The following MGAT4C variants were observed in gnomAD, a reference collection of about 807,000 sequenced individuals.
MGAT4C encodes the protein alpha-1,3-mannosyl-glycoprotein 4-beta-N-acetylglucosaminyltransferase C.
MGAT4C carries 19 observed loss-of-function variants against 40.1 expected under a neutral mutation model. The ratio of observed to expected loss-of-function variants is 0.47; its 90% confidence interval spans 0.33 to 0.70. MGAT4C has a LOEUF of 0.70. Among genes scored for constraint, MGAT4C ranks in the 30% least tolerant of loss-of-function variants. MGAT4C has a pLI of 0.02. For missense variants in MGAT4C, 491 were observed against 563.2 expected, an observed-to-expected ratio of 0.87 and a Z score of 1.30; for synonymous variants, 181 against 187.1, an observed-to-expected ratio of 0.97 and a Z score of 0.27.
At chr12:86,020,667 T>C (rs1592705638) in intron 2 of MGAT4C, among the ~76,000 whole-genome samples, 1 of 152,200 alleles carries the variant, frequency 6.6e-6, no homozygotes, top group East Asian at 1.9e-4. Context: ...ATCCAGGACA[T>C]AGGCATGGGC....
rs574650663 is a variant in MGAT4C at position 86,368,049 on chromosome 12, G to A, written c.-119-33922C>T. Among the ~76,000 whole-genome samples, 15 of 152,064 alleles carry A rather than the reference G, an allele frequency of 9.9e-5. No individual in the cohort carries two copies. In the South Asian group the frequency reaches 2.3e-3, roughly 23 times the overall value. On this transcript the variant is annotated intron_variant, in intron 3 of 7. Coordinates refer to the MGAT4C transcript ENST00000548651. ...ACTCAAATTATAACATTAAAACTAC[G>A]GAAATTTGCTAAAATAAAAATAAAG...
At chr12:86,261,568 G>A (rs1372008139) in intron 4 of MGAT4C, among the ~76,000 whole-genome samples, 1 of 152,028 alleles carries the variant, frequency 6.6e-6, no homozygotes, top group East Asian at 1.9e-4. Flanking sequence ...ATATAATAAT[G>A]TCATGACTGA....
At chr12:86,301,038 C>T (rs1018107983) in intron 4 of MGAT4C, among the ~76,000 whole-genome samples, 5 of 152,076 alleles carry the variant, frequency 3.3e-5, no homozygotes, top group African/African-American at 1.2e-4. Context: ...GAAAAGTAAG[C>T]AGTAATTGAC....
At chr12:86,713,924 C>T (rs1435524953) in intron 2 of MGAT4C, among the ~76,000 whole-genome samples, 1 of 151,706 alleles carries the variant, frequency 6.6e-6, no homozygotes. Context: ...ATTATATTGG[C>T]CTGTGATGTA....
chr12:86,220,678 T>A (rs1413226622), intron 1 of MGAT4C, among the ~76,000 whole-genome samples: 1 of 152,166 alleles, frequency 6.6e-6, no homozygotes, highest in Non-Finnish European at 1.5e-5. Flanking sequence ...ACCAACCCTA[T>A]GTGTGGGCAA....
intron 3 of MGAT4C, among the ~76,000 whole-genome samples, chr12:86,411,035 C>CT (rs35227645): frequency 0.87 from 132,168 of 152,162 alleles, 57,495 homozygotes; most frequent in East Asian, 1. Flanking sequence ...CCCAGCCATG[C>CT]TTCTGTGTAG....
At chr12:86,320,745 A>G (rs1954364939) in intron 4 of MGAT4C, among the ~76,000 whole-genome samples, 1 of 152,160 alleles carries the variant, frequency 6.6e-6, no homozygotes, top group Non-Finnish European at 1.5e-5. Context: ...TGGTTTTACA[A>G]CTGGGTTATG....
chr12:86,797,185 C>G (rs1952138980), intron 1 of MGAT4C, among the ~76,000 whole-genome samples: 1 of 151,760 alleles, frequency 6.6e-6, no homozygotes, highest in African/African-American at 2.4e-5. Context: ...CTCCTCTGTT[C>G]TATAATTTTT....
chr12:86,497,965 AAAT>A (rs1958272552), intron 2 of MGAT4C, among the ~76,000 whole-genome samples: 1 of 145,288 alleles, frequency 6.9e-6, no homozygotes, highest in Non-Finnish European at 1.5e-5. Context: ...TATATATTAT[AAAT>A]ATATATTATA....
intron 3 of MGAT4C, among the ~76,000 whole-genome samples, chr12:86,397,868 T>C (rs1199860984): frequency 1.3e-5 from 2 of 152,086 alleles, no homozygotes; most frequent in South Asian, 2.1e-4. Flanking sequence ...GAGGCTGAAG[T>C]GAGAGGATGG....
chr12:86,293,912 C>T (rs554680265), intron 4 of MGAT4C, among the ~76,000 whole-genome samples: 63 of 152,220 alleles, frequency 4.1e-4, no homozygotes, highest in Middle Eastern at 3.4e-3. Flanking sequence ...CCCAGCAATG[C>T]GGAACTGTGA....
chr12:86,763,537 G>A (rs1380275145), intron 1 of MGAT4C, among the ~76,000 whole-genome samples: 1 of 152,034 alleles, frequency 6.6e-6, no homozygotes, highest in Non-Finnish European at 1.5e-5. Context: ...ATACATCTTT[G>A]TATCACCAAT....
intron 2 of MGAT4C, among the ~76,000 whole-genome samples, chr12:85,999,579 GTGTGTATATATA>G (rs1379614796): frequency 1.5e-5 from 1 of 67,802 alleles, no homozygotes; most frequent in African/African-American, 4.3e-5. Context: ...GTGTGTGTGT[GTGTGTATATATA>G]TATATATATA....
At chr12:86,496,587 T>C (rs1010282647) in intron 2 of MGAT4C, among the ~76,000 whole-genome samples, 1 of 124,008 alleles carries the variant, frequency 8.1e-6, no homozygotes, top group Non-Finnish European at 2.0e-5. Context: ...ATGTGTTTGA[T>C]TGTTCTTTCA....
At chr12:86,495,212 C>T (rs1217876565) in intron 2 of MGAT4C, 1 of 151,998 alleles carries the variant, frequency 6.6e-6, no homozygotes. Flanking sequence ...AGACCACACA[C>T]AACATTTAAA....
intron 1 of MGAT4C, among the ~76,000 whole-genome samples, chr12:86,186,209 A>G (rs1447634044): frequency 6.6e-6 from 1 of 152,134 alleles, no homozygotes; most frequent in Non-Finnish European, 1.5e-5. Flanking sequence ...CATATTTGAC[A>G]TGTCACCATA....
At chr12:86,235,639 G>T (rs1000459754) in intron 1 of MGAT4C, among the ~76,000 whole-genome samples, 55 of 151,950 alleles carry the variant, frequency 3.6e-4, no homozygotes, top group African/African-American at 1.2e-3. Context: ...CCATATCATT[G>T]TACTTGGCTA....
At chr12:86,406,703 C>A (rs1028991099) in intron 3 of MGAT4C, among the ~76,000 whole-genome samples, 3 of 151,714 alleles carry the variant, frequency 2.0e-5, no homozygotes, top group Non-Finnish European at 4.4e-5. Context: ...ATCAGTTTGG[C>A]AGTTTCTTTA....
intron 1 of MGAT4C, among the ~76,000 whole-genome samples, chr12:86,083,061 G>A (rs1243899443): frequency 6.6e-6 from 1 of 152,088 alleles, no homozygotes; most frequent in South Asian, 2.1e-4. Flanking sequence ...TTACTTATGT[G>A]TCCTTTAATG....
Sources: allele counts gnomAD v4.1 joint callset (sites outside exome capture counted in the v4.1 genomes callset), GRCh38; gene constraint gnomAD v4.1.1; transcripts MANE v1.5; gene names NCBI Gene and HGNC (gene_info 2026-07-23, HGNC 2026-07-21).